TMEFF2: variants seen among roughly 807,000 people sequenced by gnomAD.
The protein encoded by TMEFF2 is tomoregulin-2.
A neutral mutation model predicts 53.8 loss-of-function variants in TMEFF2; 28 were observed. The observed-to-expected ratio is 0.52, with a 90% CI of 0.39 to 0.71. The LOEUF is 0.71. Ranked by LOEUF, TMEFF2 falls within the 30% of genes least tolerant of loss-of-function variation. The pLI is 0.00. For synonymous variants in TMEFF2, 162 were observed against 166.3 expected (o/e 0.97, Z 0.20); for missense variants, 353 against 455.2 (o/e 0.78, Z 2.04).
intron 5 of TMEFF2, among the ~76,000 whole-genome samples, chr2:192,055,689 C>T (rs1393009104): frequency 6.9e-6 from 1 of 145,086 alleles, no homozygotes; most frequent in Non-Finnish European, 1.5e-5. Flanking sequence ...ACAGAAGAAT[C>T]TCTTGAACCC....
chr2:192,139,235 G>A (rs1181738833), intron 4 of TMEFF2, among the ~76,000 whole-genome samples: 1 of 152,202 alleles, frequency 6.6e-6, no homozygotes, highest in Non-Finnish European at 1.5e-5. Flanking sequence ...ATGTGTATAT[G>A]TGATATAAAT....
chr2:191,993,526 G>A (rs898495913), intron 7 of TMEFF2, among the ~76,000 whole-genome samples: 3 of 151,936 alleles, frequency 2.0e-5, no homozygotes, highest in Non-Finnish European at 2.9e-5. Flanking sequence ...ACAGCCAGGG[G>A]AAATATCTTC....
chr2:192,131,512 G>A (rs538591907), intron 4 of TMEFF2, among the ~76,000 whole-genome samples: 463 of 151,700 alleles, frequency 3.1e-3, no homozygotes, highest in Non-Finnish European at 3.5e-3. Flanking sequence ...CCTTATTTCC[G>A]CACCCCGACC....
intron 4 of TMEFF2, among the ~76,000 whole-genome samples, chr2:192,078,756 G>A (rs907640111): frequency 6.6e-6 from 1 of 151,902 alleles, no homozygotes; most frequent in Non-Finnish European, 1.5e-5. Context: ...CTCTCTAATC[G>A]ACTATATCAG....
chr2:192,157,879 T>C (rs1274711901), intron 4 of TMEFF2, among the ~76,000 whole-genome samples: 1 of 152,090 alleles, frequency 6.6e-6, no homozygotes, highest in African/African-American at 2.4e-5. Flanking sequence ...CCAAACCATC[T>C]GTTGTTCCCT....
chr2:192,101,133 T>C (rs1280160301), intron 4 of TMEFF2, among the ~76,000 whole-genome samples: 2 of 152,150 alleles, frequency 1.3e-5, no homozygotes, highest in Non-Finnish European at 2.9e-5. Flanking sequence ...GAAAAAGAAA[T>C]TTCCCAGGAC....
chr2:191,990,373 G>T (rs1406321331), intron 7 of TMEFF2, among the ~76,000 whole-genome samples: 1 of 151,296 alleles, frequency 6.6e-6, no homozygotes, highest in Admixed American at 6.6e-5. Flanking sequence ...TTTGGGGCAT[G>T]TCAGACTCTT....
At chr2:192,075,127 T>TATC (rs1474398621) in intron 4 of TMEFF2, among the ~76,000 whole-genome samples, 2 of 151,106 alleles carry the variant, frequency 1.3e-5, no homozygotes, top group African/African-American at 4.9e-5. Context: ...ATTAGAATAC[T>TATC]CGAACTAGGC....
chr2:191,955,193 G>A (rs1019470442), intron 8 of TMEFF2, among the ~76,000 whole-genome samples: 3 of 144,328 alleles, frequency 2.1e-5, no homozygotes, highest in East Asian at 4.1e-4. Context: ...GAGAGAGAGA[G>A]AAATCTTCTG....
intron 4 of TMEFF2, among the ~76,000 whole-genome samples, chr2:192,144,903 T>C (rs1365321956): frequency 6.6e-6 from 1 of 151,986 alleles, no homozygotes; most frequent in African/African-American, 2.4e-5. Context: ...TCATAACTAA[T>C]TTAATGTAAG....
chr2:191,951,077 TAATC>T (rs1401291144), intron 9 of TMEFF2, among the ~76,000 whole-genome samples: 1 of 146,378 alleles, frequency 6.8e-6, no homozygotes, highest in Non-Finnish European at 1.5e-5. Flanking sequence ...TCTATTATAA[TAATC>T]TGTGAAGTAT....
chr2:192,166,076 CA>C (rs2106017422), intron 4 of TMEFF2, among the ~76,000 whole-genome samples: 1 of 152,246 alleles, frequency 6.6e-6, no homozygotes, highest in Non-Finnish European at 1.5e-5. Context: ...GTTCGTGACG[CA>C]GTGGGAGTAT....
At chr2:192,047,539 G>T (rs1445106796) in intron 5 of TMEFF2, among the ~76,000 whole-genome samples, 1 of 152,172 alleles carries the variant, frequency 6.6e-6, no homozygotes, top group East Asian at 1.9e-4. Flanking sequence ...ATCTTCAGAA[G>T]ATCATCTGTC....
At chr2:191,977,286 A>G (rs1282403703) in intron 7 of TMEFF2, among the ~76,000 whole-genome samples, 4 of 152,236 alleles carry the variant, frequency 2.6e-5, no homozygotes, top group East Asian at 1.9e-4. Flanking sequence ...AGTGTGGTCC[A>G]TGCCATAGGA....
At chr2:192,188,692 G>T (rs1022909200) in intron 2 of TMEFF2, among the ~76,000 whole-genome samples, 7 of 152,024 alleles carry the variant, frequency 4.6e-5, no homozygotes, top group Admixed American at 4.6e-4. Flanking sequence ...AAAAACATAA[G>T]GCTTCATCAT....
chr2:192,041,617 T>C (rs763621328), intron 5 of TMEFF2, among the ~76,000 whole-genome samples: 29 of 152,196 alleles, frequency 1.9e-4, no homozygotes, highest in Admixed American at 9.8e-4. Context: ...CCTATGTATA[T>C]ACCCGAGACC....
chr2:192,152,869 T>G (rs114022070), intron 4 of TMEFF2, among the ~76,000 whole-genome samples: 245 of 151,976 alleles, frequency 1.6e-3, no homozygotes, highest in African/African-American at 5.1e-3. Context: ...ACAACCATTC[T>G]CAGAATATAT....
chr2:192,035,063 T>C (rs1239064001), intron 5 of TMEFF2: 1 of 152,214 alleles, frequency 6.6e-6, no homozygotes, highest in Non-Finnish European at 1.5e-5. Context: ...TCCACATTCA[T>C]CCTTTCTTAC....
chr2:192,069,116 G>A (rs2105913874), intron 4 of TMEFF2, among the ~76,000 whole-genome samples: 1 of 151,754 alleles, frequency 6.6e-6, no homozygotes, highest in Admixed American at 6.6e-5. Context: ...CTCACATTGA[G>A]AGACCCTATT....
Sources: gnomAD v4.1 joint callset for allele counts (sites outside exome capture counted in the v4.1 genomes callset) on GRCh38, gnomAD v4.1.1 for gene constraint, MANE v1.5 for transcripts, NCBI Gene and HGNC (gene_info 2026-07-23, HGNC 2026-07-21) for gene names.